The following CSNK1G2 variants were observed in gnomAD, a reference collection of about 807,000 sequenced individuals.
CSNK1G2 encodes casein kinase 1 gamma 2.
CSNK1G2 carries 11 observed loss-of-function variants against 48.0 expected under a neutral mutation model. The observed-to-expected ratio is 0.23, with a 90% CI of 0.14 to 0.38. CSNK1G2 has a LOEUF of 0.38. Among genes scored for constraint, CSNK1G2 ranks in the 10% least tolerant of loss-of-function variants. The pLI, the probability that CSNK1G2 is intolerant of heterozygous loss-of-function variation, is 1.00. For synonymous variants in CSNK1G2, 337 were observed against 254.1 expected (o/e 1.33, Z -3.10); for missense variants, 446 against 595.5 (o/e 0.75, Z 2.61).
At chr19:1,955,688 G>T (rs2014969584) in intron 1 of CSNK1G2, among the ~76,000 whole-genome samples, 1 of 152,176 alleles carries the variant, frequency 6.6e-6, no homozygotes, top group Non-Finnish European at 1.5e-5. Flanking sequence ...GCTTGGAGGC[G>T]GGATCCAGCC....
intron 2 of CSNK1G2, chr19:1,975,130 A>G: frequency 1.0e-6 from 1 of 985,490 alleles, no homozygotes; most frequent in Non-Finnish European, 1.2e-6. Context: ...AGAGCCGGGA[A>G]GGACCCCATC....
chr19:1,974,935 G>T (rs556615749), intron 2 of CSNK1G2, among the ~76,000 whole-genome samples: 2 of 152,270 alleles, frequency 1.3e-5, no homozygotes, highest in African/African-American at 4.8e-5. Flanking sequence ...CATGCATCGC[G>T]AGTACTGCCG....
At position 1,957,700 on chromosome 19, in the gene CSNK1G2, CAG is replaced by C. The variant is rs1169321530; in HGVS notation, c.-265-11805_-265-11804del. The stretch of plus-strand genomic sequence containing the variant: ...CCCCGGGTGACTGCAGACGTGGGCA[CAG>C]AGGGGCCTCTGAGGGCGTCTGGCGG... On this transcript the variant is annotated intron_variant, in intron 1 of 11. Coordinates refer to ENST00000255641, the MANE Select transcript of CSNK1G2 (RefSeq NM_001319.7). The surrounding 1 kb of genome is among the most constrained non-coding windows in gnomAD (Gnocchi z 5.4). Among the ~76,000 whole-genome samples, 1 of 152,094 alleles carries C rather than the reference CAG, an allele frequency of 6.6e-6. No homozygotes were observed. Among genetic ancestry groups the C allele is most frequent in the African/African-American group, 2.4e-5 (1 of 41,422 alleles).
Position 1,941,788 on chromosome 19 carries a change from C to T in CSNK1G2, c.-266+370C>T, listed in dbSNP as rs1001299498. Among the ~76,000 whole-genome samples, 6 of 149,692 alleles carry T rather than the reference C, an allele frequency of 4.0e-5. 1 individual carries two copies. The highest frequency in any genetic ancestry group is 4.0e-4 in the Admixed American group (6 of 15,040). On this transcript the variant is annotated intron_variant, in intron 1 of 11. Transcript: ENST00000255641. ...GCCCCCGCCGCTCCAGTGACCCCCC[C>T]ACTCTGCACCCCGGTGACTGTCGTG...
At position 1,941,238 on chromosome 19, in the gene CSNK1G2, C is replaced by T. The variant is rs1484837020; in HGVS notation, c.-446C>T. The T allele has an allele frequency of 6.8e-6, 1 of 146,380 alleles. No homozygotes were observed. Among genetic ancestry groups the T allele is most frequent in the African/African-American group, 2.5e-5 (1 of 40,812 alleles). The allele number at this position is 146,380 out of a possible 1,614,324, so 9.1% of individuals were successfully genotyped here. ...CGGCGGAGCGCGGCGAGCCCGGCGC[C>T]TCCCGTCCCGAACATGCGGAGGCCG... On this transcript the variant is annotated 5_prime_UTR_variant, in exon 1 of 12. Coordinates refer to ENST00000255641, the MANE Select transcript of CSNK1G2 (RefSeq NM_001319.7).
At chr19:1,948,127 G>A (rs1004442978) in intron 1 of CSNK1G2, among the ~76,000 whole-genome samples, 1 of 152,196 alleles carries the variant, frequency 6.6e-6, no homozygotes, top group East Asian at 1.9e-4. Context: ...ACTTGATCCT[G>A]CACCGGAGGG....
intron 1 of CSNK1G2, among the ~76,000 whole-genome samples, chr19:1,956,741 C>T (rs899194343): frequency 4.6e-5 from 7 of 152,110 alleles, no homozygotes; most frequent in Non-Finnish European, 8.8e-5. Flanking sequence ...ACTCCAGCAT[C>T]GGGACACGGG....
At chr19:1,968,617 G>A (rs949997989) in intron 1 of CSNK1G2, among the ~76,000 whole-genome samples, 1 of 152,214 alleles carries the variant, frequency 6.6e-6, no homozygotes, top group Non-Finnish European at 1.5e-5. Context: ...CTCAGCGAGG[G>A]GCTGTGGGCT....
At chr19:1,973,814 A>G (rs934782880) in intron 2 of CSNK1G2, among the ~76,000 whole-genome samples, 5 of 151,844 alleles carry the variant, frequency 3.3e-5, no homozygotes, top group Non-Finnish European at 7.4e-5. Context: ...ATCTTTGAAC[A>G]TGTTTGTGCT....
chr19:1,952,037 T>C (rs1161862240), intron 1 of CSNK1G2, among the ~76,000 whole-genome samples: 3 of 152,052 alleles, frequency 2.0e-5, no homozygotes, highest in Non-Finnish European at 4.4e-5. Flanking sequence ...TGAGAAGTGG[T>C]GAGATTGGGG....
intron 1 of CSNK1G2, among the ~76,000 whole-genome samples, chr19:1,965,762 G>C (rs2145561044): frequency 6.6e-6 from 1 of 152,154 alleles, no homozygotes. Flanking sequence ...GCCTCCCAAA[G>C]TGCTGGGACT....
At chr19:1,950,224 C>G (rs1432741502) in intron 1 of CSNK1G2, among the ~76,000 whole-genome samples, 1 of 152,158 alleles carries the variant, frequency 6.6e-6, no homozygotes, top group African/African-American at 2.4e-5. Context: ...ACTGCAAGCT[C>G]TGCCTCCCGG....
intron 2 of CSNK1G2, among the ~76,000 whole-genome samples, chr19:1,971,958 A>T (rs1028707581): frequency 1.1e-4 from 17 of 151,922 alleles, no homozygotes; most frequent in Non-Finnish European, 2.2e-4. Flanking sequence ...TTTAGTAGAG[A>T]TGGGGTTTCA....
intron 2 of CSNK1G2, among the ~76,000 whole-genome samples, chr19:1,974,934 C>T (rs777413550): frequency 1.1e-4 from 16 of 152,204 alleles, no homozygotes; most frequent in Non-Finnish European, 2.2e-4. Flanking sequence ...GCATGCATCG[C>T]GAGTACTGCC....
At position 1,978,391 on chromosome 19, in the gene CSNK1G2, G is replaced by A. The variant is rs762644360; in HGVS notation, c.228+46G>A. 3 of 1,612,350 alleles carry A rather than the reference G, an allele frequency of 1.9e-6. No homozygotes were observed. The highest frequency in any genetic ancestry group is 2.5e-6 in the Non-Finnish European group (3 of 1,179,506). ...CACCCCCGCTGACGTGCCCCCCAGG[G>A]ATTTCAGGGCAGCGACCCGGTCCCC... On this transcript the variant is annotated intron_variant, in intron 3 of 11. Transcript: ENST00000255641. The surrounding 1 kb of genome is among the most constrained non-coding windows in gnomAD (Gnocchi z 7.3).
At chr19:1,961,123 C>T (rs531291617) in intron 1 of CSNK1G2, among the ~76,000 whole-genome samples, 38 of 152,252 alleles carry the variant, frequency 2.5e-4, no homozygotes, top group Non-Finnish European at 4.7e-4. Flanking sequence ...CGTTGGCAGC[C>T]GCAGTGGAAA....
chr19:1,952,565 C>T (rs2014805732), intron 1 of CSNK1G2: 1 of 155,424 alleles, frequency 6.4e-6, no homozygotes, highest in African/African-American at 2.4e-5. Context: ...CTCAAGTGAT[C>T]TTCCCACCTC....
chr19:1,979,260 G>T lies in CSNK1G2; in HGVS notation c.768+12G>T. ...GGCAGGGGCTCAAGGTGGGCGAGGAGGCCGGGCAGGCGGGCGGGGACGCAG... is the reference window on the plus strand; with the variant it reads ...GGCAGGGGCTCAAGGTGGGCGAGGATGCCGGGCAGGCGGGCGGGGACGCAG... On this transcript the variant is annotated intron_variant, in intron 7 of 11. Coordinates refer to ENST00000255641, the MANE Select transcript of CSNK1G2 (RefSeq NM_001319.7). 6.4e-7 allele frequency: 1 copy of T among 1,563,126 alleles called. No individual in the cohort carries two copies.
rs1351341717 is a variant in CSNK1G2 at position 1,980,003 on chromosome 19, G to A, written c.1179G>A (p.Val393=). The A allele has an allele frequency of 1.9e-6, 3 of 1,578,734 alleles. No homozygotes were observed. In the South Asian group the frequency reaches 3.5e-5, roughly 18 times the overall value. ...TCACAGCGCCTGCAGAGGTGGAGGT[G>A]GCCGATGAAACCAAGTAAGGCTCTG... ...APITAPAEVE[V]ADETKCCCFF... Residue 393 remains valine, a synonymous_variant, in exon 11 of 12, where the codon GTG becomes GTA. Coordinates refer to ENST00000255641, the MANE Select transcript of CSNK1G2 (RefSeq NM_001319.7).
Sources: allele counts gnomAD v4.1 joint callset (sites outside exome capture counted in the v4.1 genomes callset), GRCh38; gene constraint gnomAD v4.1.1; non-coding constraint Gnocchi (gnomAD v3.1); transcripts MANE v1.5; gene names NCBI Gene and HGNC (gene_info 2026-07-23, HGNC 2026-07-21).